The following SLC35F3 variants were observed in gnomAD, a reference collection of about 807,000 sequenced individuals.
SLC35F3 encodes solute carrier family 35 member F3, also known as putative thiamine transporter SLC35F3.
In SLC35F3, 25 loss-of-function variants were observed where a neutral mutation model predicts 49.9. The ratio of observed to expected loss-of-function variants is 0.50; its 90% CI spans 0.37 to 0.70. SLC35F3 has a LOEUF of 0.70. Among genes scored for constraint, SLC35F3 ranks in the 30% least tolerant of loss-of-function variants. The pLI is 0.00. For missense variants in SLC35F3, 525 were observed against 639.8 expected, an observed-to-expected ratio of 0.82 and a Z score of 1.94; for synonymous variants, 275 against 265.4, an observed-to-expected ratio of 1.04 and a Z score of -0.35.
At chr1:234,174,809 A>G (rs1175190539) in intron 2 of SLC35F3, among the ~76,000 whole-genome samples, 3 of 152,350 alleles carry the variant, frequency 2.0e-5, no homozygotes, top group African/African-American at 7.2e-5. Flanking sequence ...GTGCCTATCA[A>G]TTTCATTCAG....
chr1:233,986,666 A>G (rs1663270840), intron 2 of SLC35F3, among the ~76,000 whole-genome samples: 1 of 152,150 alleles, frequency 6.6e-6, no homozygotes, highest in Non-Finnish European at 1.5e-5. Context: ...AATGATTTTA[A>G]CATTTGCTTA....
At chr1:234,205,268 T>G (rs1328452103) in intron 2 of SLC35F3, among the ~76,000 whole-genome samples, 1 of 151,958 alleles carries the variant, frequency 6.6e-6, no homozygotes, top group Non-Finnish European at 1.5e-5. Flanking sequence ...CTTTGGGGAG[T>G]ATTACTGATC....
intron 2 of SLC35F3, among the ~76,000 whole-genome samples, chr1:234,190,743 A>G (rs1458687907): frequency 6.6e-6 from 1 of 152,226 alleles, no homozygotes. Context: ...AGAATATTCT[A>G]CCCAACAACC....
chr1:233,918,778 TTCTCTCTCTCTCTCTCTCTTTC>T (rs1662011799), intron 2 of SLC35F3, among the ~76,000 whole-genome samples: 1 of 143,922 alleles, frequency 6.9e-6, no homozygotes, highest in South Asian at 2.3e-4. Flanking sequence ...CTCTCTCTCT[TTCTCTCTCTCTCTCTCTCTTTC>T]TCTCTCTCTC....
At chr1:234,123,100 T>C (rs1277384004) in intron 2 of SLC35F3, among the ~76,000 whole-genome samples, 1 of 152,218 alleles carries the variant, frequency 6.6e-6, no homozygotes, top group Non-Finnish European at 1.5e-5. Context: ...ATAAAAGTGT[T>C]TCTCTTTCTC....
chr1:234,038,284 G>GA (rs1664173362), intron 2 of SLC35F3, among the ~76,000 whole-genome samples: 1 of 151,016 alleles, frequency 6.6e-6, no homozygotes, highest in African/African-American at 2.4e-5. Flanking sequence ...CCCTACAAAG[G>GA]ACATGAACTC....
intron 2 of SLC35F3, among the ~76,000 whole-genome samples, chr1:233,989,778 A>C (rs945752998): frequency 2.6e-5 from 4 of 152,216 alleles, no homozygotes; most frequent in African/African-American, 9.6e-5. Context: ...CATTCATGAA[A>C]CATATATAAA....
At chr1:234,322,510 T>G (rs1657645230) in intron 7 of SLC35F3, among the ~76,000 whole-genome samples, 1 of 152,172 alleles carries the variant, frequency 6.6e-6, no homozygotes, top group Non-Finnish European at 1.5e-5. Flanking sequence ...ATCTTCACTG[T>G]CATCTTCACA....
intron 2 of SLC35F3, among the ~76,000 whole-genome samples, chr1:233,919,919 C>T (rs1204175534): frequency 2.0e-5 from 3 of 152,156 alleles, no homozygotes; most frequent in Non-Finnish European, 4.4e-5. Context: ...AATCTCCTTC[C>T]TCGCTCTGTA....
chr1:234,245,677 G>A (rs1667620686), intron 3 of SLC35F3, among the ~76,000 whole-genome samples: 1 of 152,204 alleles, frequency 6.6e-6, no homozygotes. Context: ...TGGGGGCTAG[G>A]CACATCTGTT....
intron 2 of SLC35F3, among the ~76,000 whole-genome samples, chr1:234,110,023 T>C (rs1266119248): frequency 1.3e-5 from 2 of 151,970 alleles, no homozygotes; most frequent in Non-Finnish European, 2.9e-5. Flanking sequence ...AAGTGAAGGA[T>C]AGTATGACTA....
chr1:234,151,978 A>T, intron 2 of SLC35F3, among the ~76,000 whole-genome samples: 1 of 145,032 alleles, frequency 6.9e-6, no homozygotes. Context: ...AATATTTGTC[A>T]CCTTCTCTCC....
intron 3 of SLC35F3, among the ~76,000 whole-genome samples, chr1:234,234,372 G>A (rs561680895): frequency 1.3e-4 from 20 of 152,120 alleles, no homozygotes; most frequent in Admixed American, 2.6e-4. Context: ...GGGTGAAGCC[G>A]GAGCCGAGAG....
intron 3 of SLC35F3, among the ~76,000 whole-genome samples, chr1:234,271,470 G>C (rs1049840560): frequency 6.6e-6 from 1 of 152,228 alleles, no homozygotes; most frequent in African/African-American, 2.4e-5. Context: ...CACCTTCTCT[G>C]GTTCAGAGTT....
At chr1:234,056,421 A>T (rs962493204) in intron 2 of SLC35F3, among the ~76,000 whole-genome samples, 4 of 152,148 alleles carry the variant, frequency 2.6e-5, no homozygotes, top group Admixed American at 1.3e-4. Flanking sequence ...GTACAACTCA[A>T]TGTATATTAG....
chr1:234,001,055 G>A (rs1042929393), intron 2 of SLC35F3, among the ~76,000 whole-genome samples: 5 of 152,194 alleles, frequency 3.3e-5, no homozygotes, highest in Admixed American at 2.6e-4. Context: ...AGAGAGTCCT[G>A]ACAGGGCAGT....
chr1:233,905,430 G>T (rs1357512805), intron 1 of SLC35F3, 99 bp from the exon 2 acceptor site: 1 of 940,810 alleles, frequency 1.1e-6, no homozygotes, highest in African/African-American at 1.6e-5. Context: ...CCCCGGCCGC[G>T]CTCTTGCTCT....
intron 2 of SLC35F3, among the ~76,000 whole-genome samples, chr1:233,906,422 A>G (rs55670582): frequency 0.028 from 4,194 of 152,308 alleles, 129 homozygotes; most frequent in East Asian, 0.15. Flanking sequence ...GCTGTGATCA[A>G]TTAGACAGAC....
intron 2 of SLC35F3, among the ~76,000 whole-genome samples, chr1:234,068,881 A>T (rs1330501836): frequency 8.2e-6 from 1 of 122,554 alleles, no homozygotes; most frequent in Non-Finnish European, 1.6e-5. Flanking sequence ...TATTTTACAT[A>T]TTTTTTATAT....
Sources: gnomAD v4.1 joint callset for allele counts (sites outside exome capture counted in the v4.1 genomes callset) on GRCh38, gnomAD v4.1.1 for gene constraint, MANE v1.5 for transcripts, NCBI Gene and HGNC (gene_info 2026-07-23, HGNC 2026-07-21) for gene names.